The following ABLIM1 variants were observed in gnomAD, a reference collection of about 807,000 sequenced individuals.
ABLIM1 encodes the protein actin-binding LIM protein 1.
In ABLIM1, 40 loss-of-function variants were observed where a neutral mutation model predicts 107.0. The ratio of observed to expected loss-of-function variants is 0.37; its 90% CI spans 0.29 to 0.49. ABLIM1 has a LOEUF of 0.49. Among genes scored for constraint, ABLIM1 ranks in the 20% least tolerant of loss-of-function variants. ABLIM1 has a pLI of 0.97. For missense variants in ABLIM1, 857 were observed against 1,008.5 expected (o/e 0.85, Z 2.04); for synonymous variants, 357 against 357.3 (o/e 1.00, Z 0.01).
chr10:114,800,675 G>A, the ABLIM1 span, among the ~76,000 whole-genome samples: 5 of 152,316 alleles, frequency 3.3e-5, no homozygotes. Context: ...CACTCTGGGA[G>A]GCCAAGGTGG....
intron 1 of ABLIM1, among the ~76,000 whole-genome samples, chr10:114,731,496 CT>C (rs1236757496): frequency 1.3e-5 from 2 of 151,874 alleles, no homozygotes; most frequent in East Asian, 3.9e-4. Flanking sequence ...GAGTCTCACT[CT>C]GTCGCCCACA....
chr10:114,530,341 T>G (rs1420773180), intron 6 of ABLIM1, among the ~76,000 whole-genome samples: 1 of 152,138 alleles, frequency 6.6e-6, no homozygotes, highest in Non-Finnish European at 1.5e-5. Context: ...TTCACCGTCA[T>G]ACTAAATACT....
intron 6 of ABLIM1, among the ~76,000 whole-genome samples, chr10:114,541,409 A>G (rs1297950163): frequency 1.3e-5 from 2 of 152,138 alleles, no homozygotes; most frequent in Non-Finnish European, 2.9e-5. Context: ...ACAAAACCCC[A>G]AGGTTCACAG....
At chr10:114,734,065 G>C (rs773364708) in intron 1 of ABLIM1, among the ~76,000 whole-genome samples, 1 of 151,834 alleles carries the variant, frequency 6.6e-6, no homozygotes, top group Non-Finnish European at 1.5e-5. Context: ...TCGCCATGTT[G>C]GTCAGGCTGG....
At chr10:114,590,098 G>A (rs1282300159) in intron 2 of ABLIM1, among the ~76,000 whole-genome samples, 1 of 152,092 alleles carries the variant, frequency 6.6e-6, no homozygotes, top group Non-Finnish European at 1.5e-5. Flanking sequence ...GGTTACAATT[G>A]CCTACAAAAT....
chr10:114,574,590 C>T (rs1289174677), intron 3 of ABLIM1, among the ~76,000 whole-genome samples: 3 of 152,122 alleles, frequency 2.0e-5, no homozygotes, highest in African/African-American at 7.2e-5. Context: ...CAGGCACCTG[C>T]CACCTCGCCT....
chr10:114,609,610 A>T (rs566166651), intron 1 of ABLIM1, among the ~76,000 whole-genome samples: 1 of 152,356 alleles, frequency 6.6e-6, no homozygotes, highest in African/African-American at 2.4e-5. Flanking sequence ...TCAAATATCA[A>T]ATAGCCTGAG....
In ABLIM1 at chr10:114,696,235, T is replaced by C. The variant is rs570619839; in HGVS notation, c.-213+71826A>G. On this transcript the variant is annotated intron_variant, in intron 1 of 15. Transcript: ENST00000651092. ...CAGCAGGGAACAAAGCAGGATTTCT[T>C]GGCTAAAAATGCTATATTAGTTGCT... Among the ~76,000 whole-genome samples, 4 of 152,328 alleles carry C rather than the reference T, an allele frequency of 2.6e-5. No individual in the cohort carries two copies. In the South Asian group the frequency reaches 8.3e-4, roughly 32 times the overall value.
intron 1 of ABLIM1, among the ~76,000 whole-genome samples, chr10:114,624,479 C>G (rs1004695351): frequency 2.0e-5 from 3 of 152,180 alleles, no homozygotes; most frequent in African/African-American, 7.2e-5. Flanking sequence ...GTTGTTCATC[C>G]TTCCTGGTCA....
At chr10:114,482,071 C>A (rs1347530330) in intron 8 of ABLIM1, among the ~76,000 whole-genome samples, 1 of 152,116 alleles carries the variant, frequency 6.6e-6, no homozygotes, top group Non-Finnish European at 1.5e-5. Context: ...CTGAGAAAAA[C>A]TCCCTTTTAG....
intron 18 of ABLIM1, 37 bp from the exon 19 acceptor site, chr10:114,441,114 T>C (rs2060132589): frequency 1.9e-6 from 3 of 1,543,590 alleles, no homozygotes; most frequent in African/African-American, 1.4e-5. Flanking sequence ...GAAATCTCCA[T>C]AGTGATCGTT....
intron 2 of ABLIM1, among the ~76,000 whole-genome samples, chr10:114,592,672 C>T (rs1265190322): frequency 6.6e-6 from 1 of 152,040 alleles, no homozygotes; most frequent in Non-Finnish European, 1.5e-5. Context: ...GACCAGGGTG[C>T]TTATCTTTGG....
intron 1 of ABLIM1, among the ~76,000 whole-genome samples, chr10:114,634,104 C>T (rs1411065019): frequency 7.1e-6 from 1 of 140,100 alleles, no homozygotes; most frequent in East Asian, 2.1e-4. Context: ...TTCCAGATAT[C>T]GTAAATGCCA....
intron 13 of ABLIM1, 32 bp downstream of exon 13, chr10:114,453,347 G>A: frequency 6.2e-7 from 1 of 1,602,766 alleles, no homozygotes; most frequent in Non-Finnish European, 8.5e-7. Context: ...ACTGTGACAG[G>A]ACACCAAGAC....
chr10:114,513,944 T>C (rs1285821464), intron 6 of ABLIM1, among the ~76,000 whole-genome samples: 4 of 152,112 alleles, frequency 2.6e-5, no homozygotes, highest in Non-Finnish European at 5.9e-5. Flanking sequence ...CCTGCAAAGT[T>C]TTCACATGAC....
At chr10:114,665,817 GGA>G (rs2080004024) in intron 1 of ABLIM1, among the ~76,000 whole-genome samples, 1 of 152,140 alleles carries the variant, frequency 6.6e-6, no homozygotes, top group African/African-American at 2.4e-5. Flanking sequence ...CTGAGACCCG[GGA>G]GAGTACTGCT....
rs571427596 is a variant in ABLIM1 at position 114,536,800 on chromosome 10, C to T, written c.894+8205G>A. Among the ~76,000 whole-genome samples, 410 of 152,220 alleles carry T rather than the reference C, an allele frequency of 2.7e-3. 3 individuals are homozygous for T. The highest frequency in any genetic ancestry group is 3.9e-3 in the Non-Finnish European group (266 of 68,012). On this transcript the variant is annotated intron_variant, in intron 6 of 22. Transcript: ENST00000533213. ...TGACTGTCCATTGAGCTGCAGAGTC[C>T]GAGACCAGAGCTTCATGAAGAAAAT...
At chr10:114,587,717 C>A (rs1453079016) in intron 2 of ABLIM1, among the ~76,000 whole-genome samples, 3 of 152,128 alleles carry the variant, frequency 2.0e-5, no homozygotes, top group African/African-American at 7.2e-5. Flanking sequence ...CCTGACTATG[C>A]CTACCATGCT....
intron 1 of ABLIM1, among the ~76,000 whole-genome samples, chr10:114,613,150 A>C (rs1329668144): frequency 6.6e-6 from 1 of 152,242 alleles, no homozygotes; most frequent in Non-Finnish European, 1.5e-5. Context: ...AAGCTAATAC[A>C]TGTGTGGCAC....
Sources: gnomAD v4.1 joint callset for allele counts (sites outside exome capture counted in the v4.1 genomes callset) on GRCh38, gnomAD v4.1.1 for gene constraint, MANE v1.5 for transcripts, NCBI Gene and HGNC (gene_info 2026-07-23, HGNC 2026-07-21) for gene names.